Variants in EXOC5 observed in about 807,000 individuals in gnomAD.
The protein encoded by EXOC5 is SEC10-like 1.
EXOC5 carries 17 observed loss-of-function variants against 90.8 expected under a neutral mutation model. The observed-to-expected ratio is 0.19, with a 90% CI of 0.13 to 0.28. The LOEUF is 0.28. EXOC5 is among the 10% of genes least tolerant of loss of function. The pLI is 1.00. For missense variants in EXOC5, 569 were observed against 830.6 expected, an observed-to-expected ratio of 0.69 and a Z score of 3.87; for synonymous variants, 260 against 270.0, an observed-to-expected ratio of 0.96 and a Z score of 0.36.
chr14:57,208,768 A>C lies in EXOC5; in HGVS notation c.1968T>G (p.Thr656=). 1.2e-6 allele frequency: 2 copies of C among 1,602,226 alleles called. No individual in the cohort carries two copies. Among genetic ancestry groups the C allele is most frequent in the Non-Finnish European group, 1.7e-6 (2 of 1,170,478 alleles). ...CCAGAAGATTGCAAAGAGCATGCAG[A>C]GTATCAAAAAGATGTAATACCATTG... is the stretch of plus-strand genomic sequence containing the variant. ...KIPMVLHLFD[T]LHALCNLLVV... is the part of the protein sequence containing the mutation. Residue 656 remains threonine (T), a synonymous_variant, in exon 18 of 18, where the codon ACT becomes ACG. Coordinates refer to ENST00000621441, the MANE Select transcript of EXOC5 (RefSeq NM_006544.4).
chr14:57,252,015 C>G (rs1200567494), intron 1 of EXOC5, among the ~76,000 whole-genome samples: 1 of 152,124 alleles, frequency 6.6e-6, no homozygotes. Context: ...CCTGAAAAAA[C>G]AGATAATATG....
chr14:57,264,144 T>C (rs1884599895), intron 1 of EXOC5, among the ~76,000 whole-genome samples: 1 of 152,258 alleles, frequency 6.6e-6, no homozygotes, highest in African/African-American at 2.4e-5. Context: ...GTTTGCAGAA[T>C]GAATACATTC....
chr14:57,220,153 A>C (rs1025354021), intron 13 of EXOC5, among the ~76,000 whole-genome samples: 3 of 152,214 alleles, frequency 2.0e-5, no homozygotes, highest in Non-Finnish European at 4.4e-5. Context: ...TCTTTTTAGA[A>C]CAATGATTTT....
At chr14:57,210,168 A>C (rs1194043631) in intron 15 of EXOC5, 107 bp from the exon 16 acceptor site, 1 of 577,588 alleles carries the variant, frequency 1.7e-6, no homozygotes, top group Non-Finnish European at 3.1e-6. Flanking sequence ...ATTTCCTATC[A>C]CCATGAAACT....
At chr14:57,219,998 G>C (rs1027880310) in intron 13 of EXOC5, among the ~76,000 whole-genome samples, 4 of 152,046 alleles carry the variant, frequency 2.6e-5, no homozygotes, top group Admixed American at 6.6e-5. Context: ...GACCTCTCTG[G>C]ATTTCCATTT....
At position 57,203,017 on chromosome 14, in the gene EXOC5, A is replaced by G. The variant is rs1205094815; in HGVS notation, c.*5592T>C. The G allele has an allele frequency of 6.6e-6, 1 of 152,244 alleles. No individual in the cohort carries two copies. The highest frequency in any genetic ancestry group is 6.5e-5 in the Admixed American group (1 of 15,280). 9.4% of individuals were successfully genotyped at this position (152,244 alleles called of 1,614,324 possible). On this transcript the variant is annotated 3_prime_UTR_variant, in exon 18 of 18. Transcript: ENST00000621441. ...CCATGTTATCCTCTAAATGGTACAC[A>G]GTATTCACAAACAATATGCTTAGAG...
rs898920577 is a variant in EXOC5, at chr14:57,202,841, A to G, written c.*5768T>C. The G allele has an allele frequency of 2.0e-5, 3 of 152,066 alleles. No homozygotes were observed. The highest frequency in any genetic ancestry group is 1.9e-4 in the East Asian group (1 of 5,188). 9.4% of individuals were successfully genotyped at this position (152,066 alleles called of 1,614,324 possible). A position where few individuals can be genotyped will look rare whatever the true frequency, so the allele number is the denominator to read the frequency against. ...GATGCTGTAAAGTTGTGTGAATTCT[A>G]TTTTTAAAATAAAAAAATGTACATA... On this transcript the variant is annotated 3_prime_UTR_variant, in exon 18 of 18. Transcript: ENST00000621441.
rs377118331 is a variant in EXOC5 at position 57,233,717 on chromosome 14, T to C, written c.855+26A>G. On this transcript the variant is annotated intron_variant, in intron 9 of 17. Transcript: ENST00000621441. The stretch of plus-strand genomic sequence containing the variant: ...AAATTACATATTGCTTTAAGAACTA[T>C]TTAATTTGTTACTATTTAAAATTAC... 6.6e-6 allele frequency: 9 copies of C among 1,364,734 alleles called. No homozygotes were observed. In the African/African-American group the frequency reaches 1.0e-4, roughly 15 times the overall value. The allele number at this position is 1,364,734 out of a possible 1,614,324, so 84.5% of individuals were successfully genotyped here. A position where few individuals can be genotyped will look rare whatever the true frequency, so the allele number is the denominator to read the frequency against.
intron 7 of EXOC5, among the ~76,000 whole-genome samples, chr14:57,234,353 A>G (rs1883585027): frequency 6.6e-6 from 1 of 151,360 alleles, no homozygotes; most frequent in African/African-American, 2.4e-5. Flanking sequence ...ATCTCCTTCA[A>G]CTCCAAAACA....
intron 1 of EXOC5, among the ~76,000 whole-genome samples, chr14:57,257,015 CA>C (rs1884366826): frequency 6.6e-6 from 1 of 152,094 alleles, no homozygotes; most frequent in African/African-American, 2.4e-5. Context: ...GTCTGCTTCC[CA>C]AAAGACCCAA....
intron 1 of EXOC5, among the ~76,000 whole-genome samples, chr14:57,249,915 G>C (rs753381349): frequency 6.6e-6 from 1 of 152,068 alleles, no homozygotes; most frequent in South Asian, 2.1e-4. Flanking sequence ...TGGGATTATA[G>C]GCATGCACCA....
intron 12 of EXOC5, among the ~76,000 whole-genome samples, chr14:57,228,103 A>G (rs1198023500): frequency 6.6e-6 from 1 of 152,112 alleles, no homozygotes; most frequent in African/African-American, 2.4e-5. Flanking sequence ...CATGAAAAAA[A>G]GCTCATCATC....
At chr14:57,254,666 T>C (rs979855830) in intron 1 of EXOC5, among the ~76,000 whole-genome samples, 5 of 152,136 alleles carry the variant, frequency 3.3e-5, no homozygotes, top group African/African-American at 1.2e-4. Context: ...CCCAATGTGA[T>C]GGTATTTGGA....
At chr14:57,239,482 C>T (rs1265887521) in intron 5 of EXOC5, 113 bp downstream of exon 5, 12 of 657,540 alleles carry the variant, frequency 1.8e-5, no homozygotes, top group Non-Finnish European at 2.6e-5. Flanking sequence ...CCAGCAAGTG[C>T]TCAATAAATT....
chr14:57,232,153 G>A (rs1883506393), intron 10 of EXOC5: 1 of 155,502 alleles, frequency 6.4e-6, no homozygotes, highest in African/African-American at 2.4e-5. Context: ...TAACAGTGTT[G>A]TTGTTGAGAT....
intron 13 of EXOC5, among the ~76,000 whole-genome samples, chr14:57,221,274 G>A (rs1053721888): frequency 9.9e-5 from 15 of 152,264 alleles, no homozygotes; most frequent in East Asian, 5.8e-4. Context: ...GGGTCAGAGT[G>A]ACTGAGCAGT....
intron 1 of EXOC5, among the ~76,000 whole-genome samples, chr14:57,261,647 C>G (rs1884506469): frequency 6.6e-6 from 1 of 152,200 alleles, no homozygotes; most frequent in Non-Finnish European, 1.5e-5. Flanking sequence ...GTTCACAAAT[C>G]TGATTGGAGG....
At position 57,239,992 on chromosome 14, in the gene EXOC5, T is replaced by G. The variant is rs193012302; in HGVS notation, c.466-333A>C. 9.2e-5 allele frequency among the ~76,000 whole-genome samples: 14 copies of G among 152,314 alleles called. No individual in the cohort carries two copies. In the East Asian group the frequency reaches 2.1e-3, roughly 23 times the overall value. On this transcript the variant is annotated intron_variant, in intron 4 of 17. Transcript: ENST00000621441. ...ATCATTGCTTGCTGAAAGCCAGGTG[T>G]AAATCTCAGAATTCTAAGTTTATGA...
chr14:57,226,813 C>T (rs894240858), intron 12 of EXOC5, among the ~76,000 whole-genome samples: 4 of 152,160 alleles, frequency 2.6e-5, no homozygotes, highest in East Asian at 1.9e-4. Context: ...ATCCACAATA[C>T]TGTATAACTT....
Sources: gnomAD v4.1 joint callset for allele counts (sites outside exome capture counted in the v4.1 genomes callset) on GRCh38, gnomAD v4.1.1 for gene constraint, MANE v1.5 for transcripts, NCBI Gene and HGNC (gene_info 2026-07-23, HGNC 2026-07-21) for gene names.